The following CEPT1 variants were observed in gnomAD, a reference collection of about 807,000 sequenced individuals.
CEPT1 encodes the protein choline/ethanolaminephosphotransferase 1.
CEPT1 carries 7 observed loss-of-function variants against 42.6 expected under a neutral mutation model. That is an observed-to-expected ratio of 0.16 (90% CI 0.09 to 0.31). The LOEUF is 0.31. Ranked by LOEUF, CEPT1 falls within the 10% of genes least tolerant of loss-of-function variation. CEPT1 has a pLI of 1.00. For missense variants in CEPT1, 306 were observed against 502.1 expected (o/e 0.61, Z 3.73); for synonymous variants, 171 against 171.9 (o/e 0.99, Z 0.04).
At chr1:111,172,576 C>T (rs1211181659) in intron 4 of CEPT1, among the ~76,000 whole-genome samples, 1 of 152,176 alleles carries the variant, frequency 6.6e-6, no homozygotes, top group African/African-American at 2.4e-5. Flanking sequence ...TGTCATGTAA[C>T]TAGCTGTCTT....
Position 111,182,841 on chromosome 1 carries a change from A to G in CEPT1, c.889A>G (p.Ile297Val). The G allele has an allele frequency of 6.2e-7, 1 of 1,613,590 alleles. No homozygotes were observed. Among genetic ancestry groups the G allele is most frequent in the Non-Finnish European group, 8.5e-7 (1 of 1,179,562 alleles). ...LSPFLHIGSV[I>V]TLAAMIYKKS... Reference sequence around the variant, plus strand: ...TCCTTTTCTCCATATTGGATCAGTGATTACATTAGCTGCAATGATCTACAA... The same window carrying G: ...TCCTTTTCTCCATATTGGATCAGTGGTTACATTAGCTGCAATGATCTACAA... The change falls in exon 7 of 9, where the codon ATT (isoleucine) becomes GTT (valine). Residue 297 changes from isoleucine to valine, a missense_variant. Ile to Val is a conservative substitution (Grantham distance 29). This residue lies in a region of CEPT1 where 253 missense variants were observed against 447.3 expected (regional missense o/e 0.57). Transcript: ENST00000357172.
intron 2 of CEPT1, among the ~76,000 whole-genome samples, chr1:111,156,907 A>G (rs1655604278): frequency 6.6e-6 from 1 of 152,166 alleles, no homozygotes; most frequent in Non-Finnish European, 1.5e-5. Context: ...AGATTTTACA[A>G]GTTGGTTAAT....
chr1:111,157,718 C>T (rs1299845100), intron 2 of CEPT1, among the ~76,000 whole-genome samples: 1 of 152,168 alleles, frequency 6.6e-6, no homozygotes, highest in African/African-American at 2.4e-5. Flanking sequence ...GAGGTATGTG[C>T]TAGCTCCTTT....
intron 6 of CEPT1, 163 bp from the exon 7 acceptor site, chr1:111,182,636 C>CT (rs1228608885): frequency 1.7e-5 from 11 of 647,326 alleles, no homozygotes; most frequent in Admixed American, 1.4e-4. Context: ...TATGCTGCTA[C>CT]TTTTCATTAG....
rs145358989 is a variant in CEPT1, at chr1:111,159,421, C to T, written c.381C>T (p.Phe127=). ...ATATTGCTTGTGCCTGTGGCCTTTT[C>T]ATTTACCAGTCTTTGGATGCTATTG... The part of the protein sequence containing the change: ...WAYIACACGL[F]IYQSLDAIDG... The change falls in exon 3 of 9, where the codon TTC becomes TTT. Residue 127 remains phenylalanine (F), a synonymous_variant. Coordinates refer to ENST00000357172, the MANE Select transcript of CEPT1 (RefSeq NM_006090.5). The T allele has an allele frequency of 3.1e-6, 5 of 1,612,674 alleles. No individual in the cohort carries two copies. The highest frequency in any genetic ancestry group is 1.7e-5 in the Admixed American group (1 of 59,674).
intron 2 of CEPT1, among the ~76,000 whole-genome samples, chr1:111,151,437 A>G (rs1483163678): frequency 6.6e-6 from 1 of 152,170 alleles, no homozygotes; most frequent in Non-Finnish European, 1.5e-5. Flanking sequence ...GGTATTATAC[A>G]TTTTAGAGAG....
intron 5 of CEPT1, chr1:111,181,476 T>C (rs1656984339): frequency 6.6e-6 from 1 of 152,244 alleles, no homozygotes; most frequent in South Asian, 2.1e-4. Context: ...TTCAGGTAAA[T>C]AAACACATTT....
chr1:111,184,196 CTCTT>C lies in CEPT1; in HGVS notation c.1143_1146del (p.Phe381LeufsTer3), dbSNP rs759592061. 1.2e-6 allele frequency: 2 copies of C among 1,613,298 alleles called. No individual in the cohort carries two copies. Among genetic ancestry groups the C allele is most frequent in the South Asian group, 1.1e-5 (1 of 91,038 alleles). On this transcript the variant is annotated frameshift_variant, in exon 9 of 9. Transcript: ENST00000357172. LOFTEE classifies it high-confidence loss of function. ...AATGTCTCTTTTCTTTCCAGGTTTT[CTCTT>C]TCTTTGATTTGATCCGCTACTGTGT...
chr1:111,159,866 T>G (rs1655779111), intron 3 of CEPT1: 1 of 175,652 alleles, frequency 5.7e-6, no homozygotes, highest in Non-Finnish European at 1.2e-5. Context: ...TTCATATATT[T>G]AAATGAATGT....
chr1:111,141,963 C>G (rs531625693), intron 1 of CEPT1, among the ~76,000 whole-genome samples: 57 of 152,158 alleles, frequency 3.7e-4, no homozygotes, highest in Non-Finnish European at 5.9e-4. Flanking sequence ...ACTTGGCACC[C>G]TTAGACATGG....
At chr1:111,168,409 A>G (rs921504996) in intron 4 of CEPT1, among the ~76,000 whole-genome samples, 5 of 146,992 alleles carry the variant, frequency 3.4e-5, no homozygotes, top group Admixed American at 2.7e-4. Flanking sequence ...GCCTGCCCTG[A>G]AAAAAAAAAA....
rs566498598 is a variant in CEPT1, at chr1:111,184,139, G to GA, written c.1132-50dup. 1,233 of 1,590,212 alleles carry GA rather than the reference G, an allele frequency of 7.8e-4. 18 individuals are homozygous for GA. The South Asian group carries it at 0.013, about 17-fold the overall frequency. ...AGAGTCCAGTCCTCTTTACTTTCAG[G>GA]AAGCTTAGGGAGAGCCTAAACGGGT... On this transcript the variant is annotated intron_variant, in intron 8 of 8. Coordinates refer to ENST00000357172, the MANE Select transcript of CEPT1 (RefSeq NM_006090.5).
rs138315619 is a variant in CEPT1 at position 111,176,992 on chromosome 1, C to T, written c.714+2029C>T. Among the ~76,000 whole-genome samples the T allele has an allele frequency of 5.4e-4, 82 of 152,304 alleles. 2 individuals carry two copies. Among genetic ancestry groups the T allele is most frequent in the Admixed American group, 1.2e-3 (19 of 15,296 alleles). On this transcript the variant is annotated intron_variant, in intron 5 of 8. Coordinates refer to ENST00000357172, the MANE Select transcript of CEPT1 (RefSeq NM_006090.5). ...AGATAATGTATTCAGGGTAGTGGAG[C>T]AGCACAATAGCATCACCAGAATACC...
At chr1:111,181,475 A>G (rs1656984168) in intron 5 of CEPT1, 1 of 152,252 alleles carries the variant, frequency 6.6e-6, no homozygotes, top group Non-Finnish European at 1.5e-5. Context: ...CTTCAGGTAA[A>G]TAAACACATT....
chr1:111,142,839 T>C (rs1276084661), intron 1 of CEPT1, among the ~76,000 whole-genome samples: 1 of 152,090 alleles, frequency 6.6e-6, no homozygotes. Flanking sequence ...TGATGAGTGC[T>C]TTAAAGGGAG....
chr1:111,150,955 A>G (rs557652677), intron 2 of CEPT1, among the ~76,000 whole-genome samples: 1 of 152,296 alleles, frequency 6.6e-6, no homozygotes, highest in African/African-American at 2.4e-5. Context: ...GTATATGTTA[A>G]TATACTTGTG....
chr1:111,167,776 C>T, intron 4 of CEPT1: 1 of 945,056 alleles, frequency 1.1e-6, no homozygotes, highest in Non-Finnish European at 1.3e-6. Context: ...AACTAAATAT[C>T]CTTAGCTTTT....
In CEPT1 at chr1:111,150,371, A is replaced by T. The variant is rs528852782; in HGVS notation, c.339+2318A>T. Among the ~76,000 whole-genome samples the T allele has an allele frequency of 3.3e-5, 5 of 152,350 alleles. No homozygotes were observed. In the East Asian group the frequency reaches 9.6e-4, roughly 29 times the overall value. On this transcript the variant is annotated intron_variant, in intron 2 of 8. Transcript: ENST00000357172. Reference sequence around the variant, plus strand: ...TTCATTGATCAAAAAGATTAGGTATATAATCTATTCTTCCACAGCCCCCTT... The same window carrying T: ...TTCATTGATCAAAAAGATTAGGTATTTAATCTATTCTTCCACAGCCCCCTT...
intron 2 of CEPT1, among the ~76,000 whole-genome samples, chr1:111,156,586 T>C (rs12025495): frequency 5.9e-5 from 9 of 152,316 alleles, no homozygotes; most frequent in Admixed American, 2.0e-4. Flanking sequence ...AAAAATCTTA[T>C]AATGTTTTAA....
Sources: gnomAD v4.1 joint callset for allele counts (sites outside exome capture counted in the v4.1 genomes callset) on GRCh38, gnomAD v4.1.1 for gene constraint, gnomAD v4.1.1 regional missense constraint, MANE v1.5 for transcripts, NCBI Gene and HGNC (gene_info 2026-07-23, HGNC 2026-07-21) for gene names.